The following MPPED1 variants were observed in gnomAD, a reference collection of about 807,000 sequenced individuals.
MPPED1 encodes metallophosphoesterase domain-containing protein 1.
In MPPED1, 16 loss-of-function variants were observed where a neutral mutation model predicts 36.2. The ratio of observed to expected loss-of-function variants is 0.44; its 90% CI spans 0.30 to 0.67. The LOEUF (loss-of-function observed/expected upper bound fraction) is 0.67. Among genes scored for constraint, MPPED1 ranks in the 30% least tolerant of loss-of-function variants. The pLI is 0.10. For missense variants in MPPED1, 307 were observed against 453.4 expected (o/e 0.68, Z 2.93); for synonymous variants, 199 against 191.3 (o/e 1.04, Z -0.33).
At chr22:43,433,349 G>A (rs1055602546) in intron 2 of MPPED1, among the ~76,000 whole-genome samples, 4 of 152,310 alleles carry the variant, frequency 2.6e-5, no homozygotes, top group African/African-American at 9.6e-5. Flanking sequence ...CTTGTTGTGA[G>A]CAGGGGTCAG....
At chr22:43,426,458 G>C (rs1052639141) in intron 2 of MPPED1, among the ~76,000 whole-genome samples, 3 of 152,148 alleles carry the variant, frequency 2.0e-5, no homozygotes, top group African/African-American at 4.8e-5. Context: ...GACTGCCCGT[G>C]AGTCTGGTGC....
chr22:43,435,552 C>G (rs780244784), intron 3 of MPPED1, among the ~76,000 whole-genome samples: 17 of 152,088 alleles, frequency 1.1e-4, no homozygotes, highest in Non-Finnish European at 4.4e-5. Context: ...AAGGTAGGGC[C>G]TCAATAAATA....
rs1485358184 is a variant in MPPED1, at chr22:43,435,041, C to T, written c.232C>T (p.Pro78Ser). 2.5e-6 allele frequency: 4 copies of T among 1,613,574 alleles called. No homozygotes were observed. The highest frequency in any genetic ancestry group is 2.7e-5 in the African/African-American group (2 of 75,044). ...FQPPHVQMVD[P>S]VPHDAPKPPG... ...TGTCATCTCTCCCTGCAGGGTGGACCCGGTGCCTCACGATGCCCCCAAACC... is the reference window on the plus strand; with the variant it reads ...TGTCATCTCTCCCTGCAGGGTGGACTCGGTGCCTCACGATGCCCCCAAACC... Residue 78 changes from proline (P) to serine (S), a missense_variant, in exon 3 of 7, where the codon CCG (proline) becomes TCG (serine). Physicochemically the swap from Pro to Ser is moderately conservative, Grantham distance 74. Transcript: ENST00000443721.
intron 1 of MPPED1, among the ~76,000 whole-genome samples, chr22:43,421,627 A>G (rs941053095): frequency 2.0e-5 from 3 of 152,008 alleles, no homozygotes; most frequent in African/African-American, 7.3e-5. Flanking sequence ...CTCTCCTGAC[A>G]CCCACCCTCT....
chr22:43,463,815 C>CTTTCTTTTTTTTTTT (rs1377538955), intron 3 of MPPED1, among the ~76,000 whole-genome samples: 4 of 47,950 alleles, frequency 8.3e-5, no homozygotes, highest in Non-Finnish European at 1.8e-4. Context: ...TCTTTTCTTT[C>CTTTCTTTTTTTTTTT]TTTCTTTCTT....
intron 3 of MPPED1, among the ~76,000 whole-genome samples, chr22:43,445,745 A>AT (rs1385436285): frequency 6.6e-5 from 10 of 150,412 alleles, no homozygotes; most frequent in Non-Finnish European, 1.2e-4. Flanking sequence ...TAATTTTTGT[A>AT]TTTTTTTAGA....
At chr22:43,449,422 A>ACCCCCCCCCCCCCCCCCCCCCCCCCCCC (rs135045) in intron 3 of MPPED1, among the ~76,000 whole-genome samples, 3 of 127,322 alleles carry the variant, frequency 2.4e-5, no homozygotes, top group Admixed American at 8.3e-5. Context: ...GACAGTGCCA[A>ACCCCCCCCCCCCCCCCCCCCCCCCCCCC]CCCCCCCCGC....
intron 3 of MPPED1, among the ~76,000 whole-genome samples, chr22:43,446,016 A>G (rs993201596): frequency 2.0e-5 from 3 of 148,974 alleles, no homozygotes; most frequent in African/African-American, 7.5e-5. Flanking sequence ...GACTACAGGC[A>G]TGCACCACGA....
rs1396958976 is a variant in MPPED1, at chr22:43,507,107, C to T, written c.*1491C>T. 6.6e-6 allele frequency: 1 copy of T among 152,148 alleles called. No individual in the cohort carries two copies. The highest frequency in any genetic ancestry group is 1.5e-5 in the Non-Finnish European group (1 of 68,040). 9.4% of individuals were successfully genotyped at this position (152,148 alleles called of 1,614,324 possible). On this transcript the variant is annotated 3_prime_UTR_variant, in exon 7 of 7. Coordinates refer to ENST00000443721, the MANE Select transcript of MPPED1 (RefSeq NM_001044370.2). ...ATTTTAGAGATGAGACGATTGAGGC[C>T]AGAGGGGTGTGGTAACTTGCCTGGG...
chr22:43,459,834 A>G (rs1930882735), intron 3 of MPPED1, among the ~76,000 whole-genome samples: 1 of 152,102 alleles, frequency 6.6e-6, no homozygotes, highest in East Asian at 1.9e-4. Context: ...TTCCGCAAGG[A>G]CGATTTCTAT....
At chr22:43,412,954 C>T (rs1280246736) in intron 1 of MPPED1, among the ~76,000 whole-genome samples, 3 of 152,206 alleles carry the variant, frequency 2.0e-5, no homozygotes, top group South Asian at 2.1e-4. Flanking sequence ...TGGCAGGCCC[C>T]GGCCTGGCCT....
chr22:43,429,143 C>T (rs887169645), intron 2 of MPPED1, among the ~76,000 whole-genome samples: 10 of 152,294 alleles, frequency 6.6e-5, no homozygotes, highest in Non-Finnish European at 1.3e-4. Context: ...TCCCTTTGTG[C>T]CTTGTTCCTG....
chr22:43,464,893 A>T (rs1213985526), intron 3 of MPPED1, among the ~76,000 whole-genome samples: 1 of 152,048 alleles, frequency 6.6e-6, no homozygotes, highest in East Asian at 1.9e-4. Flanking sequence ...TGCTGATTTC[A>T]TGGGATGTCA....
chr22:43,479,017 G>A (rs1338274797), intron 4 of MPPED1, among the ~76,000 whole-genome samples: 1 of 152,200 alleles, frequency 6.6e-6, no homozygotes, highest in African/African-American at 2.4e-5. Flanking sequence ...ATTCACGGCT[G>A]AAGAACCCGC....
At chr22:43,488,355 C>T (rs1411393105) in intron 4 of MPPED1, among the ~76,000 whole-genome samples, 1 of 152,200 alleles carries the variant, frequency 6.6e-6, no homozygotes, top group African/African-American at 2.4e-5. Flanking sequence ...CAGCTGTGTA[C>T]CCTACCTGGG....
At chr22:43,442,464 G>A (rs949558206) in intron 3 of MPPED1, among the ~76,000 whole-genome samples, 4 of 152,108 alleles carry the variant, frequency 2.6e-5, no homozygotes, top group Admixed American at 1.3e-4. Flanking sequence ...GGCATCCCCC[G>A]TAATAGATCA....
At chr22:43,466,895 T>C (rs1029896247) in intron 3 of MPPED1, among the ~76,000 whole-genome samples, 5 of 152,364 alleles carry the variant, frequency 3.3e-5, no homozygotes, top group African/African-American at 7.2e-5. Context: ...GGTGCTTCCC[T>C]GTCTGGCCAG....
intron 3 of MPPED1, among the ~76,000 whole-genome samples, chr22:43,460,991 A>G (rs922600206): frequency 2.0e-5 from 3 of 152,174 alleles, no homozygotes; most frequent in Admixed American, 6.5e-5. Context: ...GATGTTAGAC[A>G]ACTGCTGCTG....
chr22:43,456,541 C>G (rs1288164415), intron 3 of MPPED1, among the ~76,000 whole-genome samples: 1 of 152,220 alleles, frequency 6.6e-6, no homozygotes, highest in Non-Finnish European at 1.5e-5. Context: ...GTCACCCAGA[C>G]TGGGGTGCAG....
Sources: allele counts gnomAD v4.1 joint callset (sites outside exome capture counted in the v4.1 genomes callset), GRCh38; gene constraint gnomAD v4.1.1; transcripts MANE v1.5; gene names NCBI Gene and HGNC (gene_info 2026-07-23, HGNC 2026-07-21).